MARCHF7: variants seen among roughly 807,000 people sequenced by gnomAD.
The protein encoded by MARCHF7 is membrane associated ring-CH-type finger 7, also known as E3 ubiquitin-protein ligase MARCHF7.
In MARCHF7, 20 loss-of-function variants were observed where a neutral mutation model predicts 76.5. That is an observed-to-expected ratio of 0.26 (90% CI 0.18 to 0.38). MARCHF7 has a LOEUF of 0.38. Ranked by LOEUF, MARCHF7 falls within the 10% of genes least tolerant of loss-of-function variation. The probability of loss-of-function intolerance (pLI) is 1.00; values close to 1 mark genes in which losing one functional copy is unlikely to be tolerated. For synonymous variants in MARCHF7, 295 were observed against 293.0 expected, an observed-to-expected ratio of 1.01 and a Z score of -0.07; for missense variants, 797 against 812.9, an observed-to-expected ratio of 0.98 and a Z score of 0.24.
chr2:159,764,255 T>TGTGTGTGTGTGTGTGCGCGC (rs10592175), intron 10 of MARCHF7, among the ~76,000 whole-genome samples: 215 of 131,454 alleles, frequency 1.6e-3, no homozygotes, highest in East Asian at 4.1e-3. Flanking sequence ...TGTGTGTGTG[T>TGTGTGTGTGTGTGTGCGCGC]GCGCGCGCCC....
chr2:159,756,887 G>A (rs1706394642), intron 8 of MARCHF7, among the ~76,000 whole-genome samples: 1 of 135,302 alleles, frequency 7.4e-6, no homozygotes, highest in Admixed American at 7.1e-5. Context: ...TAAATTAAAT[G>A]GGAGTTAGTT....
chr2:159,742,607 T>C (rs1237529520), intron 4 of MARCHF7, among the ~76,000 whole-genome samples: 3 of 151,696 alleles, frequency 2.0e-5, no homozygotes, highest in African/African-American at 7.3e-5. Flanking sequence ...AATTATAGTG[T>C]ATAGTAAATG....
At chr2:159,764,737 A>T in intron 11 of MARCHF7, 63 bp downstream of exon 11, 1 of 1,321,312 alleles carries the variant, frequency 7.6e-7, no homozygotes. Flanking sequence ...ACCCAAAGCA[A>T]AACCTAAGTA....
chr2:159,765,493 T>C (rs1396296174), intron 11 of MARCHF7, among the ~76,000 whole-genome samples: 1 of 152,154 alleles, frequency 6.6e-6, no homozygotes, highest in Non-Finnish European at 1.5e-5. Flanking sequence ...TATTTTACTT[T>C]TTCACCCTTT....
chr2:159,771,013 C>T lies in MARCHF7; in HGVS notation c.*3671C>T, dbSNP rs1708130145. 6.6e-6 allele frequency: 1 copy of T among 152,100 alleles called. No homozygotes were observed. Among genetic ancestry groups the T allele is most frequent in the Non-Finnish European group, 1.5e-5 (1 of 67,988 alleles). 9.4% of individuals were successfully genotyped at this position (152,100 alleles called of 1,614,324 possible). On this transcript the variant is annotated 3_prime_UTR_variant, in exon 12 of 12. Transcript: ENST00000409175. ...AAATGTACAATAAATGCACTGAAAA[C>T]TTTGATCACTGTCACTACAGTTGTA...
At chr2:159,735,715 T>G (rs1323912721) in intron 4 of MARCHF7, among the ~76,000 whole-genome samples, 2 of 152,240 alleles carry the variant, frequency 1.3e-5, no homozygotes, top group Non-Finnish European at 2.9e-5. Flanking sequence ...CATATTTTGT[T>G]CATTTATTTT....
Position 159,734,123 on chromosome 2 carries a change from C to A in MARCHF7, c.153+4948C>A, listed in dbSNP as rs990483332. On this transcript the variant is annotated intron_variant, in intron 4 of 11. Transcript: ENST00000409175. ...ATGTTTTTAAAGGAAAATTTAATTT[C>A]TATAAATATTGTTAAAAAGGGGTTA... 5.7e-6 allele frequency: 7 copies of A among 1,233,410 alleles called. No homozygotes were observed. The African/African-American group carries it at 1.1e-4, about 19-fold the overall frequency. The allele number at this position is 1,233,410 out of a possible 1,614,324, so 76.4% of individuals were successfully genotyped here. A position where few individuals can be genotyped will look rare whatever the true frequency, so the allele number is the denominator to read the frequency against.
Position 159,770,259 on chromosome 2 carries a change from A to G in MARCHF7, c.*2917A>G, listed in dbSNP as rs780561824. 6.6e-6 allele frequency: 1 copy of G among 152,208 alleles called. No individual in the cohort carries two copies. Among genetic ancestry groups the G allele is most frequent in the Non-Finnish European group, 1.5e-5 (1 of 68,036 alleles). The allele number at this position is 152,208 out of a possible 1,614,324, so 9.4% of individuals were successfully genotyped here. On this transcript the variant is annotated 3_prime_UTR_variant, in exon 12 of 12. Coordinates refer to ENST00000409175, the MANE Select transcript of MARCHF7 (RefSeq NM_001282805.2). ...CAATAATAAAATAGACATCTCAATC[A>G]CTATACAAAATCTCAGAAATGTAAA...
chr2:159,727,888 T>C (rs1468094195), intron 3 of MARCHF7, among the ~76,000 whole-genome samples: 1 of 152,228 alleles, frequency 6.6e-6, no homozygotes, highest in Non-Finnish European at 1.5e-5. Context: ...TCGTCGTGGG[T>C]TTAGAAATGT....
intron 9 of MARCHF7, among the ~76,000 whole-genome samples, chr2:159,761,087 GCAAT>G (rs1706997620): frequency 1.4e-5 from 2 of 147,702 alleles, no homozygotes; most frequent in Non-Finnish European, 3.0e-5. Context: ...GTGCAGTGGT[GCAAT>G]CTCAGCTCAC....
intron 4 of MARCHF7, among the ~76,000 whole-genome samples, chr2:159,731,067 GT>G (rs1037088879): frequency 2.0e-5 from 3 of 151,850 alleles, no homozygotes; most frequent in African/African-American, 7.3e-5. Flanking sequence ...TAATTTTTGT[GT>G]TTTTTTGAAG....
chr2:159,722,465 T>C (rs1701741885), intron 3 of MARCHF7, among the ~76,000 whole-genome samples: 1 of 152,196 alleles, frequency 6.6e-6, no homozygotes, highest in South Asian at 2.1e-4. Context: ...CTTAGAACTA[T>C]TGAAGTTATG....
intron 6 of MARCHF7, 57 bp from the exon 7 acceptor site, chr2:159,747,748 G>T: frequency 2.7e-6 from 4 of 1,490,600 alleles, no homozygotes; most frequent in Non-Finnish European, 3.6e-6. Context: ...CATAATAAAT[G>T]CAAATAATAA....
intron 3 of MARCHF7, among the ~76,000 whole-genome samples, chr2:159,719,936 T>C (rs1175524714): frequency 1.3e-5 from 2 of 152,216 alleles, no homozygotes; most frequent in Non-Finnish European, 2.9e-5. Context: ...ACCTTTATTA[T>C]TGCTTTATTT....
chr2:159,762,655 TAA>T (rs942357640), intron 9 of MARCHF7, among the ~76,000 whole-genome samples: 39 of 152,332 alleles, frequency 2.6e-4, no homozygotes, highest in African/African-American at 8.4e-4. Flanking sequence ...CATTTTTATA[TAA>T]AGTCATTACA....
chr2:159,765,982 A>G (rs1432955483), intron 11 of MARCHF7, among the ~76,000 whole-genome samples: 1 of 152,138 alleles, frequency 6.6e-6, no homozygotes, highest in Non-Finnish European at 1.5e-5. Flanking sequence ...TGTTTTCCCC[A>G]GATTTCTCCA....
chr2:159,752,357 C>G, intron 7 of MARCHF7, 45 bp from the exon 8 acceptor site: 1 of 1,468,528 alleles, frequency 6.8e-7, no homozygotes, highest in South Asian at 1.5e-5. Flanking sequence ...AGTAACCAAC[C>G]AGGATGAGTT....
At position 159,767,493 on chromosome 2, in the gene MARCHF7, A is replaced by G. The variant is rs972512656; in HGVS notation, c.*151A>G. ...CATACACATGTATGCCTGTATATAT[A>G]TATTCATTCTCCAGTGTTGCTGAAT... On this transcript the variant is annotated 3_prime_UTR_variant, in exon 12 of 12. Coordinates refer to ENST00000409175, the MANE Select transcript of MARCHF7 (RefSeq NM_001282805.2). 1.0e-5 allele frequency: 5 copies of G among 492,766 alleles called. No homozygotes were observed. Among genetic ancestry groups the G allele is most frequent in the South Asian group, 6.5e-5 (2 of 30,588 alleles). 30.5% of individuals were successfully genotyped at this position (492,766 alleles called of 1,614,324 possible).
intron 1 of MARCHF7, among the ~76,000 whole-genome samples, chr2:159,713,519 T>G (rs911735692): frequency 6.6e-6 from 1 of 152,220 alleles, no homozygotes; most frequent in African/African-American, 2.4e-5. Context: ...TTAGCTATTT[T>G]TCTGATTACA....
Sources: gnomAD v4.1 joint callset for allele counts (sites outside exome capture counted in the v4.1 genomes callset) on GRCh38, gnomAD v4.1.1 for gene constraint, MANE v1.5 for transcripts, NCBI Gene and HGNC (gene_info 2026-07-23, HGNC 2026-07-21) for gene names.